Variants in SAGE1 observed in about 807,000 individuals in gnomAD.
SAGE1 encodes the protein cancer/testis antigen 14.
A neutral mutation model predicts 55.4 loss-of-function variants in SAGE1; 55 were observed. That is an observed-to-expected ratio of 0.99 (90% CI 0.80 to 1.24). SAGE1 has a LOEUF of 1.24. Among genes scored for constraint, SAGE1 ranks in the 50% most tolerant of loss-of-function variants. The pLI is 0.00. For missense variants in SAGE1, 710 were observed against 704.4 expected, an observed-to-expected ratio of 1.01 and a Z score of -0.09; for synonymous variants, 240 against 244.3, an observed-to-expected ratio of 0.98 and a Z score of 0.17.
At chrX:135,909,950 G>T (rs2148094803) in intron 14 of SAGE1, 80 bp from the exon 15 acceptor site, 1 of 1,060,328 alleles carries the variant, frequency 9.4e-7, no homozygotes, top group East Asian at 3.0e-5. Context: ...TTTTCTAGAA[G>T]CTGAGCATCA....
rs781973558 is a variant in SAGE1 at position 135,908,166 on chromosome X, G to T, written c.1237G>T (p.Val413Phe). The T allele has an allele frequency of 4.5e-5, 54 of 1,207,028 alleles. No homozygotes were observed. Among genetic ancestry groups the T allele is most frequent in the Non-Finnish European group, 5.7e-5 (51 of 892,945 alleles). ...AACCCCTGATAACGTCTTGTCAGCT[G>T]TTACACCAGAGCTTATTAACTTGGC... The part of the protein sequence containing the change: ...QPTPDNVLSA[V>F]TPELINLAGA... Residue 413 changes from valine (V) to phenylalanine (F), a missense_variant, in exon 11 of 20, where the codon GTT becomes TTT. By Grantham distance (50) the Val-to-Phe change is conservative. Coordinates refer to ENST00000370709, the MANE Select transcript of SAGE1 (RefSeq NM_001381902.1).
At position 135,909,659 on chromosome X, in the gene SAGE1, G is replaced by A; in HGVS notation, c.1603G>A (p.Val535Ile). Residue 535 changes from valine (V) to isoleucine (I), a missense_variant, in exon 14 of 20, where the codon GTC becomes ATC. Physicochemically the swap from Val to Ile is conservative, Grantham distance 29. Coordinates refer to ENST00000370709, the MANE Select transcript of SAGE1 (RefSeq NM_001381902.1). ...KDLYATVTQN[V>I]HEERMENNQP... ...TCCAGATGCTACCGTCACTCAAAATGTCCATGAAGAGAGGATGGAAAATAA... is the reference window on the plus strand; with the variant it reads ...TCCAGATGCTACCGTCACTCAAAATATCCATGAAGAGAGGATGGAAAATAA... 1 of 1,205,208 alleles carries A rather than the reference G, an allele frequency of 8.3e-7. No individual in the cohort carries two copies. The highest frequency in any genetic ancestry group is 1.1e-6 in the Non-Finnish European group (1 of 892,239).
chrX:135,912,833 A>G lies in SAGE1; in HGVS notation c.2651A>G (p.Lys884Arg), dbSNP rs1556607191. 5 of 1,210,445 alleles carry G rather than the reference A, an allele frequency of 4.1e-6. No individual in the cohort carries two copies. The highest frequency in any genetic ancestry group is 5.6e-6 in the Non-Finnish European group (5 of 894,633). ...KKVVLIQQLE[K>R]ALKEIDSHCH... is the part of the protein sequence containing the mutation. Reference sequence around the variant, plus strand: ...GTTGTCTTAATTCAGCAACTCGAGAAGGCGCTTAAAGAAATAGATTCCCAC... The same window carrying G: ...GTTGTCTTAATTCAGCAACTCGAGAGGGCGCTTAAAGAAATAGATTCCCAC... The change falls in exon 20 of 20, where the codon AAG becomes AGG. Residue 884 changes from lysine to arginine, a missense_variant. Physicochemically the swap from Lys to Arg is conservative, Grantham distance 26 (BLOSUM62 2). Transcript: ENST00000370709.
rs782361427 is a variant in SAGE1, at chrX:135,907,846, G to A, written c.1159+5G>A. On this transcript the variant is annotated splice_donor_5th_base_variant and intron_variant, in intron 10 of 19. Transcript: ENST00000370709. ...CCATGAGTACCAGGGATCAGCGTAA[G>A]TTTGTTTACTAGTTGTGGTGTCCTA... 25 of 1,206,067 alleles carry A rather than the reference G, an allele frequency of 2.1e-5. No individual in the cohort carries two copies. In the Admixed American group the frequency reaches 5.5e-4, roughly 26 times the overall value.
intron 1 of SAGE1, among the ~76,000 whole-genome samples, chrX:135,895,638 C>T (rs1415644252): frequency 6.3e-5 from 7 of 111,678 alleles, no homozygotes; most frequent in Non-Finnish European, 9.4e-5. Flanking sequence ...GTCACACACA[C>T]ATAGTTAGCT....
intron 2 of SAGE1, among the ~76,000 whole-genome samples, chrX:135,900,331 C>T (rs1381386139): frequency 1.8e-5 from 2 of 111,701 alleles, no homozygotes; most frequent in African/African-American, 6.5e-5. Context: ...CCTTGCATCC[C>T]GGGGATGAAG....
At position 135,910,055 on chromosome X, in the gene SAGE1, T is replaced by C. The variant is rs782175661; in HGVS notation, c.1749T>C (p.His583=). Reference sequence around the variant, plus strand: ...ATGCTACCGTCACTCACAATGTCCATGAAGAGAAGATTAAAAATGGCCAAG... The same window carrying C: ...ATGCTACCGTCACTCACAATGTCCACGAAGAGAAGATTAAAAATGGCCAAG... ...DQYATVTHNV[H]EEKIKNGQAA... The change falls in exon 15 of 20, where the codon CAT becomes CAC. Residue 583 remains histidine (H), a synonymous_variant. Transcript: ENST00000370709. 5 of 1,208,228 alleles carry C rather than the reference T, an allele frequency of 4.1e-6. No individual in the cohort carries two copies. The highest frequency in any genetic ancestry group is 2.2e-5 in the Admixed American group (1 of 45,626).
At chrX:135,904,426 A>G (rs782416218) in intron 3 of SAGE1, 51 bp from the exon 4 acceptor site, 1 of 798,739 alleles carries the variant, frequency 1.3e-6, no homozygotes, top group East Asian at 3.2e-5. Flanking sequence ...TGCCTGTGCC[A>G]TTGACATAAT....
chrX:135,907,362 A>C lies in SAGE1; in HGVS notation c.927A>C (p.Gln309His), dbSNP rs782052640. The change falls in exon 9 of 20, where the codon CAA becomes CAC. Residue 309 changes from glutamine (Q) to histidine (H), a missense_variant. Coordinates refer to ENST00000370709, the MANE Select transcript of SAGE1 (RefSeq NM_001381902.1). ...GTGAAGAGAAGATGGAAAATGACCA[A>C]CCGCAACCTAATAACGTATTGTCAA... ...NVCEEKMEND[Q>H]PQPNNVLSTV... 3 of 1,207,751 alleles carry C rather than the reference A, an allele frequency of 2.5e-6. No homozygotes were observed. The highest frequency in any genetic ancestry group is 3.4e-6 in the Non-Finnish European group (3 of 892,413).
chrX:135,910,312 T>G (rs1263022221), intron 15 of SAGE1, 103 bp from the exon 16 acceptor site: 1 of 1,071,693 alleles, frequency 9.3e-7, no homozygotes, highest in Non-Finnish European at 1.3e-6. Flanking sequence ...TATATCCTCC[T>G]TCTTAATGAG....
intron 9 of SAGE1, 80 bp from the exon 10 acceptor site, chrX:135,907,621 C>G (rs2088819557): frequency 5.6e-6 from 6 of 1,075,734 alleles, no homozygotes; most frequent in Non-Finnish European, 7.6e-6. Context: ...TTTCCTAGAC[C>G]CTGAGCATCA....
intron 5 of SAGE1, among the ~76,000 whole-genome samples, chrX:135,905,767 A>G (rs1377152339): frequency 8.9e-6 from 1 of 112,379 alleles, no homozygotes; most frequent in East Asian, 2.8e-4. Flanking sequence ...TCCACCCCTG[A>G]GTACCAGGGA....
At chrX:135,896,072 T>G (rs782804430) in intron 1 of SAGE1, among the ~76,000 whole-genome samples, 171 bp from the exon 2 acceptor site, 1 of 111,512 alleles carries the variant, frequency 9.0e-6, no homozygotes, top group Non-Finnish European at 1.9e-5. Context: ...AGACATGAGA[T>G]TCTAAACTCT....
chrX:135,895,027 A>G (rs1556592533), intron 1 of SAGE1, among the ~76,000 whole-genome samples: 1 of 110,130 alleles, frequency 9.1e-6, no homozygotes, highest in African/African-American at 3.3e-5. Flanking sequence ...CTTAAAGGAA[A>G]GTATGTATTA....
intron 16 of SAGE1, among the ~76,000 whole-genome samples, chrX:135,910,777 C>A (rs781792438): frequency 5.4e-5 from 6 of 111,565 alleles, no homozygotes; most frequent in Non-Finnish European, 9.4e-5. Flanking sequence ...ACTTACCTCA[C>A]GGCTCAATCT....
In SAGE1 at chrX:135,911,284, A is replaced by G; in HGVS notation, c.2098A>G (p.Ile700Val). The G allele has an allele frequency of 8.3e-7, 1 of 1,209,877 alleles. No homozygotes were observed. Among genetic ancestry groups the G allele is most frequent in the Non-Finnish European group, 1.1e-6 (1 of 894,031 alleles). The change falls in exon 17 of 20, where the codon ATT becomes GTT. Residue 700 changes from isoleucine (I) to valine (V), a missense_variant. Coordinates refer to ENST00000370709, the MANE Select transcript of SAGE1 (RefSeq NM_001381902.1). ...NSLSTVPPGC[I>V]NLSGAGISCR... ...CTTGTCAACGGTTCCACCTGGTTGT[A>G]TTAATCTGTCAGGAGCTGGTATTTC... is the stretch of plus-strand genomic sequence containing the variant.
rs1202777029 is a variant in SAGE1, at chrX:135,909,626, A to G, written c.1583-13A>G. ...ACTTACGTCACAAGTCAACCTCTTT[A>G]TTTGGTTTCCAGATGCTACCGTCAC... On this transcript the variant is annotated splice_polypyrimidine_tract_variant and intron_variant, in intron 13 of 19. Transcript: ENST00000370709. The G allele has an allele frequency of 5.9e-6, 7 of 1,188,457 alleles. No homozygotes were observed. The African/African-American group carries it at 1.1e-4, about 18-fold the overall frequency.
At chrX:135,910,580 G>T in intron 16 of SAGE1, 25 bp downstream of exon 16, 1 of 1,181,336 alleles carries the variant, frequency 8.5e-7, no homozygotes, top group Non-Finnish European at 1.1e-6. Context: ...TAGTTGTGCT[G>T]TCCTACTTGG....
At chrX:135,895,242 C>T (rs2088567121) in intron 1 of SAGE1, among the ~76,000 whole-genome samples, 1 of 111,707 alleles carries the variant, frequency 9.0e-6, no homozygotes, top group Admixed American at 9.5e-5. Flanking sequence ...AATACTATAT[C>T]ACACTGCTTA....
Sources: allele counts gnomAD v4.1 joint callset (sites outside exome capture counted in the v4.1 genomes callset), GRCh38; gene constraint gnomAD v4.1.1; transcripts MANE v1.5; gene names NCBI Gene and HGNC (gene_info 2026-07-23, HGNC 2026-07-21).